Variants in CSMD1 observed in about 807,000 individuals in gnomAD.
CSMD1 encodes the protein CUB and sushi domain-containing protein 1.
CSMD1 carries 213 observed loss-of-function variants against 417.5 expected under a neutral mutation model. The observed-to-expected ratio is 0.51, with a 90% CI of 0.46 to 0.57. The LOEUF is 0.57. CSMD1 is among the 20% of genes least tolerant of loss of function. The probability of loss-of-function intolerance (pLI) is 0.00; values close to 1 mark genes in which losing one functional copy is unlikely to be tolerated. For missense variants in CSMD1, 6,923 were observed against 4,529.7 expected (o/e 1.53, Z -15.17); for synonymous variants, 2,862 against 1,736.8 (o/e 1.65, Z -16.11).
intron 3 of CSMD1, among the ~76,000 whole-genome samples, chr8:4,059,260 A>G (rs1007778771): frequency 2.0e-5 from 3 of 152,188 alleles, no homozygotes; most frequent in African/African-American, 7.2e-5. Flanking sequence ...GAAAGACACA[A>G]CATACCAGAA....
rs554425581 is a variant in CSMD1 at position 4,529,327 on chromosome 8, G to C, written c.302+108015C>G. Among the ~76,000 whole-genome samples the C allele has an allele frequency of 7.2e-5, 11 of 152,240 alleles. No homozygotes were observed. In the South Asian group the frequency reaches 1.7e-3, roughly 23 times the overall value. ...AGATTGTATGCAAAAAAAATTACAA[G>C]AATCCAGCTGTCTGCTGTTAAAGCA... On this transcript the variant is annotated intron_variant, in intron 2 of 69. Transcript: ENST00000635120.
intron 2 of CSMD1, among the ~76,000 whole-genome samples, chr8:4,439,430 A>G (rs1006160299): frequency 2.0e-5 from 3 of 152,142 alleles, no homozygotes; most frequent in African/African-American, 7.2e-5. Context: ...TAATAATGTA[A>G]TGATTTTCAT....
chr8:2,966,511 T>C (rs773901816), intron 58 of CSMD1, 59 bp downstream of exon 58: 114 of 1,496,296 alleles, frequency 7.6e-5, no homozygotes, highest in Non-Finnish European at 8.8e-5. Flanking sequence ...TCATTTTTTT[T>C]CCCAATGGAG....
intron 55 of CSMD1, among the ~76,000 whole-genome samples, chr8:2,976,929 C>G (rs1804978142): frequency 6.6e-6 from 1 of 151,582 alleles, no homozygotes; most frequent in Non-Finnish European, 1.5e-5. Context: ...TAAGAGGGGC[C>G]ATAAGGATCA....
intron 7 of CSMD1, among the ~76,000 whole-genome samples, chr8:3,695,648 C>A (rs1434000916): frequency 6.6e-6 from 1 of 151,918 alleles, no homozygotes; most frequent in South Asian, 2.1e-4. Context: ...AAATTTAGGT[C>A]GAAATATATT....
chr8:4,196,093 C>T (rs916214063), intron 3 of CSMD1, among the ~76,000 whole-genome samples: 2 of 152,050 alleles, frequency 1.3e-5, no homozygotes, highest in South Asian at 2.1e-4. Context: ...CGCCTGTAGT[C>T]CCAGCTGCTG....
At chr8:3,546,270 T>TA (rs1798658504) in intron 10 of CSMD1, among the ~76,000 whole-genome samples, 1 of 102,582 alleles carries the variant, frequency 9.7e-6, no homozygotes, top group African/African-American at 4.1e-5. Context: ...TCCTCTATTA[T>TA]TAAAAAAAAA....
intron 3 of CSMD1, among the ~76,000 whole-genome samples, chr8:4,366,624 G>A (rs1802088743): frequency 6.6e-6 from 1 of 151,840 alleles, no homozygotes; most frequent in African/African-American, 2.4e-5. Context: ...CAGCAATTTT[G>A]ACTCATGAGA....
At chr8:3,033,137 T>C (rs1201189408) in intron 50 of CSMD1, among the ~76,000 whole-genome samples, 1 of 152,076 alleles carries the variant, frequency 6.6e-6, no homozygotes, top group Non-Finnish European at 1.5e-5. Context: ...ATTTTGAAAG[T>C]TCTTTATGAA....
chr8:3,671,401 T>C (rs1466571024), intron 7 of CSMD1, among the ~76,000 whole-genome samples: 1 of 147,272 alleles, frequency 6.8e-6, no homozygotes, highest in Non-Finnish European at 1.5e-5. Context: ...AGCATATAGA[T>C]CTTAAATACA....
intron 26 of CSMD1, among the ~76,000 whole-genome samples, chr8:3,279,698 C>G (rs961430346): frequency 1.9e-4 from 29 of 152,130 alleles, no homozygotes; most frequent in African/African-American, 3.6e-4. Context: ...CTGGGGAGGC[C>G]TCAGGAAACT....
chr8:4,206,506 G>T (rs909327327), intron 3 of CSMD1, among the ~76,000 whole-genome samples: 3 of 152,158 alleles, frequency 2.0e-5, no homozygotes, highest in African/African-American at 7.2e-5. Context: ...CCCTACAAAG[G>T]ACATGAACTC....
intron 25 of CSMD1, among the ~76,000 whole-genome samples, chr8:3,292,964 C>G (rs1183669138): frequency 2.0e-5 from 3 of 151,820 alleles, no homozygotes; most frequent in Non-Finnish European, 2.9e-5. Context: ...GTGGCTGGTA[C>G]CGGTTGTTCC....
At chr8:4,234,794 T>G (rs1156682426) in intron 3 of CSMD1, among the ~76,000 whole-genome samples, 1 of 152,062 alleles carries the variant, frequency 6.6e-6, no homozygotes, top group Non-Finnish European at 1.5e-5. Flanking sequence ...CCCCAGATAA[T>G]CATGAGAAAC....
chr8:3,630,721 G>T (rs567282400), intron 7 of CSMD1, among the ~76,000 whole-genome samples: 1 of 136,100 alleles, frequency 7.3e-6, no homozygotes, highest in South Asian at 2.5e-4. Context: ...TGAGGGAAAT[G>T]GAGTTGCCTC....
At chr8:3,558,085 C>T (rs1004699755) in intron 10 of CSMD1, among the ~76,000 whole-genome samples, 19 of 148,230 alleles carry the variant, frequency 1.3e-4, no homozygotes, top group Admixed American at 5.3e-4. Flanking sequence ...AATAGTACCC[C>T]GTGTCGACTC....
intron 3 of CSMD1, among the ~76,000 whole-genome samples, chr8:4,323,422 C>T (rs913852946): frequency 6.6e-6 from 1 of 152,156 alleles, no homozygotes; most frequent in African/African-American, 2.4e-5. Context: ...GTCTTCTTCA[C>T]AGGTCACCCC....
chr8:3,718,883 G>C (rs748813999), intron 6 of CSMD1, among the ~76,000 whole-genome samples: 1 of 152,098 alleles, frequency 6.6e-6, no homozygotes, highest in African/African-American at 2.4e-5. Flanking sequence ...ACTTAGTCTT[G>C]TAGTGATCTA....
chr8:3,705,996 A>G (rs1405755591), intron 7 of CSMD1, among the ~76,000 whole-genome samples: 2 of 152,226 alleles, frequency 1.3e-5, no homozygotes, highest in South Asian at 2.1e-4. Flanking sequence ...AGTCTCCTAC[A>G]GATGGTAAAG....
Sources: gnomAD v4.1 joint callset for allele counts (sites outside exome capture counted in the v4.1 genomes callset) on GRCh38, gnomAD v4.1.1 for gene constraint, MANE v1.5 for transcripts, NCBI Gene and HGNC (gene_info 2026-07-23, HGNC 2026-07-21) for gene names.